Variants in PPP2R3C observed in about 807,000 individuals in gnomAD.
The protein encoded by PPP2R3C is serine/threonine-protein phosphatase 2A regulatory subunit B'' subunit gamma.
In PPP2R3C, 47 loss-of-function variants were observed where a neutral mutation model predicts 63.7. The ratio of observed to expected loss-of-function variants is 0.74; its 90% CI spans 0.58 to 0.94. The LOEUF (loss-of-function observed/expected upper bound fraction) is 0.94, where lower values mean the gene tolerates loss of function less well. Ranked by LOEUF, PPP2R3C falls within the 40% of genes least tolerant of loss-of-function variation. PPP2R3C has a pLI of 0.00. For synonymous variants in PPP2R3C, 180 were observed against 177.4 expected (o/e 1.01, Z -0.12); for missense variants, 421 against 518.4 (o/e 0.81, Z 1.82).
At chr14:35,096,888 T>A in intron 7 of PPP2R3C, 124 bp from the exon 8 acceptor site, 2 of 947,106 alleles carry the variant, frequency 2.1e-6, no homozygotes, top group Non-Finnish European at 3.0e-6. Flanking sequence ...CTAGCTCTTA[T>A]GCTCCAAAGT....
At chr14:35,086,165 GA>G (rs1392118199) in intron 12 of PPP2R3C, 3 of 159,408 alleles carry the variant, frequency 1.9e-5, no homozygotes, top group Non-Finnish European at 4.1e-5. Flanking sequence ...TCTAATTGGT[GA>G]AACAAAGTTT....
chr14:35,118,737 T>C (rs2046776626), intron 1 of PPP2R3C, among the ~76,000 whole-genome samples: 1 of 142,906 alleles, frequency 7.0e-6, no homozygotes, highest in Non-Finnish European at 1.5e-5. Flanking sequence ...CACTGCAAAC[T>C]TCACCTCCTG....
At chr14:35,106,855 T>G (rs960091428) in intron 6 of PPP2R3C, among the ~76,000 whole-genome samples, 7 of 151,122 alleles carry the variant, frequency 4.6e-5, no homozygotes, top group Non-Finnish European at 8.9e-5. Flanking sequence ...TTAGTAGAGA[T>G]AGGGTTTCTC....
chr14:35,116,248 A>C (rs2046706164), intron 2 of PPP2R3C, among the ~76,000 whole-genome samples: 1 of 148,504 alleles, frequency 6.7e-6, no homozygotes, highest in Admixed American at 6.6e-5. Context: ...TTTTAAAACT[A>C]CTTTTTTTTC....
At chr14:35,106,983 G>C (rs997820382) in intron 6 of PPP2R3C, among the ~76,000 whole-genome samples, 3 of 152,100 alleles carry the variant, frequency 2.0e-5, no homozygotes, top group African/African-American at 7.2e-5. Flanking sequence ...CTCTCTTAAT[G>C]ATGACTTGAA....
chr14:35,111,235 C>CAAAAAAA (rs3058398), intron 2 of PPP2R3C, among the ~76,000 whole-genome samples: 5 of 89,768 alleles, frequency 5.6e-5, no homozygotes, highest in Non-Finnish European at 8.7e-5. Flanking sequence ...CTCCATCTAC[C>CAAAAAAA]AAAAAAAAAA....
intron 1 of PPP2R3C, among the ~76,000 whole-genome samples, chr14:35,118,815 G>T (rs561384213): frequency 1.3e-5 from 2 of 151,848 alleles, no homozygotes; most frequent in African/African-American, 2.4e-5. Context: ...CACAATGCCC[G>T]GCTAAATTTT....
intron 2 of PPP2R3C, among the ~76,000 whole-genome samples, chr14:35,111,073 A>G (rs1337532571): frequency 6.6e-6 from 1 of 152,000 alleles, no homozygotes; most frequent in African/African-American, 2.4e-5. Flanking sequence ...CGTCTCTACT[A>G]AAAATACAAA....
chr14:35,085,787 GAA>G lies in PPP2R3C; in HGVS notation c.1174-11_1174-10del. 2 of 1,547,484 alleles carry G rather than the reference GAA, an allele frequency of 1.3e-6. No homozygotes were observed. The highest frequency in any genetic ancestry group is 8.8e-7 in the Non-Finnish European group (1 of 1,141,470). On this transcript the variant is annotated splice_polypyrimidine_tract_variant and intron_variant, in intron 12 of 12. Transcript: ENST00000261475. ...ATGTCAAAGATTTCATCCTGCAAGA[GAA>G]AAAAAAATACAATGAAATTTGATCC...
At chr14:35,088,820 C>T (rs2045693825) in intron 11 of PPP2R3C, among the ~76,000 whole-genome samples, 1 of 152,164 alleles carries the variant, frequency 6.6e-6, no homozygotes, top group Admixed American at 6.5e-5. Flanking sequence ...CAGCATTGGA[C>T]ACTTTTTACC....
Position 35,099,355 on chromosome 14 carries a change from G to A in PPP2R3C, c.603C>T (p.Ile201=). Residue 201 remains isoleucine (I), a synonymous_variant, in exon 7 of 13, where the codon ATC becomes ATT. Coordinates refer to ENST00000261475, the MANE Select transcript of PPP2R3C (RefSeq NM_017917.4). ...GACCATCTAATTGTGGCAACGTAGG[G>A]ATAAGTTCCAATATGTAGTTTTCTA... ...SDLENYILEL[I]PTLPQLDGLE... 6.2e-7 allele frequency: 1 copy of A among 1,601,906 alleles called. No individual in the cohort carries two copies. The highest frequency in any genetic ancestry group is 8.5e-7 in the Non-Finnish European group (1 of 1,177,446).
At chr14:35,102,705 C>T (rs999795254) in intron 6 of PPP2R3C, 1 of 152,054 alleles carries the variant, frequency 6.6e-6, no homozygotes, top group African/African-American at 2.4e-5. Context: ...AGTTATGGGC[C>T]CATCATCTCA....
chr14:35,098,257 T>C (rs2046065318), intron 7 of PPP2R3C, among the ~76,000 whole-genome samples: 1 of 149,930 alleles, frequency 6.7e-6, no homozygotes, highest in South Asian at 2.1e-4. Flanking sequence ...CTTGGCTCAC[T>C]GCAGCCTCTG....
At chr14:35,091,386 G>T (rs1044147809) in intron 10 of PPP2R3C, among the ~76,000 whole-genome samples, 179 bp from the exon 11 acceptor site, 1 of 152,030 alleles carries the variant, frequency 6.6e-6, no homozygotes, top group Non-Finnish European at 1.5e-5. Context: ...TTTTTTTCGA[G>T]ACAGAGTTTC....
At chr14:35,118,057 C>T (rs535769501) in intron 1 of PPP2R3C, among the ~76,000 whole-genome samples, 2 of 152,098 alleles carry the variant, frequency 1.3e-5, no homozygotes, top group Admixed American at 1.3e-4. Flanking sequence ...TGGCTCAGTG[C>T]TGTTGTAGAA....
intron 1 of PPP2R3C, among the ~76,000 whole-genome samples, chr14:35,120,013 G>A (rs531742538): frequency 1.3e-5 from 2 of 151,774 alleles, no homozygotes; most frequent in East Asian, 2.0e-4. Flanking sequence ...CACCGCACCC[G>A]TCTAATTTTT....
intron 10 of PPP2R3C, among the ~76,000 whole-genome samples, chr14:35,093,365 T>A (rs1005913637): frequency 2.6e-5 from 4 of 152,132 alleles, no homozygotes; most frequent in African/African-American, 9.7e-5. Flanking sequence ...ACTAAAGAGT[T>A]AAAGAATGCA....
intron 6 of PPP2R3C, among the ~76,000 whole-genome samples, chr14:35,104,242 T>C (rs2138667563): frequency 8.0e-6 from 1 of 125,496 alleles, no homozygotes; most frequent in East Asian, 2.5e-4. Context: ...CAAGAGCCTT[T>C]TATTCTCAAG....
intron 6 of PPP2R3C, among the ~76,000 whole-genome samples, chr14:35,105,266 T>A (rs887590605): frequency 1.3e-5 from 2 of 151,640 alleles, no homozygotes; most frequent in Admixed American, 1.3e-4. Context: ...CACTGCAACC[T>A]CCACCTCCTG....
Sources: allele counts gnomAD v4.1 joint callset (sites outside exome capture counted in the v4.1 genomes callset), GRCh38; gene constraint gnomAD v4.1.1; transcripts MANE v1.5; gene names NCBI Gene and HGNC (gene_info 2026-07-23, HGNC 2026-07-21).